ZFHX3: variants seen among roughly 807,000 people sequenced by gnomAD.
ZFHX3 encodes zinc finger homeobox protein 3.
ZFHX3 carries 42 observed loss-of-function variants against 279.1 expected under a neutral mutation model. The observed-to-expected ratio is 0.15, with a 90% CI of 0.12 to 0.19. The LOEUF (loss-of-function observed/expected upper bound fraction) is 0.19. Among genes scored for constraint, ZFHX3 ranks in the 10% least tolerant of loss-of-function variants. The pLI is 1.00. For synonymous variants in ZFHX3, 2,293 were observed against 1,957.8 expected, an observed-to-expected ratio of 1.17 and a Z score of -4.52; for missense variants, 4,981 against 4,754.0, an observed-to-expected ratio of 1.05 and a Z score of -1.40.
At chr16:73,699,225 A>G (rs1343659863) in intron 1 of ZFHX3, among the ~76,000 whole-genome samples, 5 of 152,338 alleles carry the variant, frequency 3.3e-5, no homozygotes, top group Admixed American at 1.3e-4. Flanking sequence ...CAATTATGCA[A>G]GATATCGAGA....
At chr16:73,318,061 T>G (rs1308032680) in intron 4 of ZFHX3, among the ~76,000 whole-genome samples, 1 of 152,200 alleles carries the variant, frequency 6.6e-6, no homozygotes, top group Non-Finnish European at 1.5e-5. Flanking sequence ...AAACCAGAAG[T>G]GCACATTAGT....
chr16:73,700,507 A>T (rs2053236711), intron 1 of ZFHX3, among the ~76,000 whole-genome samples: 1 of 152,240 alleles, frequency 6.6e-6, no homozygotes, highest in African/African-American at 2.4e-5. Context: ...TTTGTAGAAT[A>T]CATGTTATTT....
intron 8 of ZFHX3, among the ~76,000 whole-genome samples, chr16:73,090,133 C>T (rs1441226751): frequency 6.6e-6 from 1 of 152,244 alleles, no homozygotes; most frequent in African/African-American, 2.4e-5. Flanking sequence ...GTGGCTCACA[C>T]CTGTAATCCC....
intron 1 of ZFHX3, among the ~76,000 whole-genome samples, chr16:73,713,895 G>A (rs904361287): frequency 6.6e-6 from 1 of 152,118 alleles, no homozygotes; most frequent in African/African-American, 2.4e-5. Context: ...TTCCCAATCT[G>A]TCAATGCGAG....
intron 1 of ZFHX3, among the ~76,000 whole-genome samples, chr16:73,764,319 TG>T (rs1567402297): frequency 6.6e-6 from 1 of 152,124 alleles, no homozygotes; most frequent in Non-Finnish European, 1.5e-5. Flanking sequence ...ATTCAATCTC[TG>T]GCTCCCTATG....
intron 2 of ZFHX3, among the ~76,000 whole-genome samples, chr16:73,473,420 T>C (rs1254417476): frequency 6.6e-6 from 1 of 150,740 alleles, no homozygotes; most frequent in Non-Finnish European, 1.5e-5. Flanking sequence ...ATCATTCCAT[T>C]TGAATGGGAG....
intron 1 of ZFHX3, among the ~76,000 whole-genome samples, chr16:73,882,211 C>A (rs1973619): frequency 0.11 from 17,444 of 152,070 alleles, 1,331 homozygotes; most frequent in Middle Eastern, 0.22. Flanking sequence ...ACCCACCTCA[C>A]GTTTTAAGGC....
In ZFHX3 at chr16:72,974,988, C is replaced by T. The variant is rs192973229; in HGVS notation, c.-49-14794G>A. Among the ~76,000 whole-genome samples, 470 of 152,274 alleles carry T rather than the reference C, an allele frequency of 3.1e-3. 3 individuals are homozygous for T. The highest frequency in any genetic ancestry group is 0.011 in the African/African-American group (446 of 41,554). On this transcript the variant is annotated intron_variant, in intron 1 of 9. Coordinates refer to ENST00000268489, the MANE Select transcript of ZFHX3 (RefSeq NM_006885.4). ...ATGAGTAGTCCTCAAATCCTAGAGGCCCAGAGAGTTGCTCCTATCTCGATT... is the reference window on the plus strand; with the variant it reads ...ATGAGTAGTCCTCAAATCCTAGAGGTCCAGAGAGTTGCTCCTATCTCGATT...
In ZFHX3 at chr16:72,957,746, G is replaced by A; in HGVS notation, c.2400C>T (p.Thr800=). 1 of 1,614,192 alleles carries A rather than the reference G, an allele frequency of 6.2e-7. No individual in the cohort carries two copies. Among genetic ancestry groups the A allele is most frequent in the Non-Finnish European group, 8.5e-7 (1 of 1,180,040 alleles). ...CGAPSPTKPK[T]KPTWRCEVCD... is the part of the protein sequence containing the mutation. ...ACACCTCGCACCGCCAGGTGGGTTT[G>A]GTTTTTGGTTTGGTCGGCGAGGGGG... Residue 800 remains threonine, a synonymous_variant, in exon 2 of 10, where the codon ACC becomes ACT. Transcript: ENST00000268489.
intron 3 of ZFHX3, among the ~76,000 whole-genome samples, chr16:73,385,137 G>T (rs1325567874): frequency 6.6e-6 from 1 of 152,130 alleles, no homozygotes. Context: ...GAAGAAACTT[G>T]GTGACTTTGT....
At chr16:73,374,123 C>T (rs371245436) in intron 3 of ZFHX3, among the ~76,000 whole-genome samples, 1 of 152,018 alleles carries the variant, frequency 6.6e-6, no homozygotes. Flanking sequence ...GCAGTTAGCG[C>T]AGAAAATGAG....
chr16:73,573,643 G>T (rs937974952), intron 2 of ZFHX3, among the ~76,000 whole-genome samples: 1 of 152,142 alleles, frequency 6.6e-6, no homozygotes, highest in Non-Finnish European at 1.5e-5. Flanking sequence ...TTATGATGAT[G>T]ATTTAATTTA....
At chr16:73,791,631 G>A (rs1253231185) in intron 1 of ZFHX3, among the ~76,000 whole-genome samples, 1 of 151,434 alleles carries the variant, frequency 6.6e-6, no homozygotes, top group Non-Finnish European at 1.5e-5. Flanking sequence ...CACCATGTTG[G>A]CCAGGATGGT....
At position 73,278,582 on chromosome 16, in the gene ZFHX3, G is replaced by A. The variant is rs1447773217; in HGVS notation, c.-1193-21446C>T. On this transcript the variant is annotated intron_variant, in intron 4 of 17. Transcript: ENST00000641206. ...CTGTGTAAGGGGACCTGAGCGAGTA[G>A]GAGGTGCTGGCTGGGGTGGCCAGCT... is the stretch of plus-strand genomic sequence containing the variant. Among the ~76,000 whole-genome samples, 3 of 152,242 alleles carry A rather than the reference G, an allele frequency of 2.0e-5. No individual in the cohort carries two copies. In the East Asian group the frequency reaches 5.8e-4, roughly 29 times the overall value.
At chr16:72,930,356 C>T (rs1047249772) in intron 3 of ZFHX3, among the ~76,000 whole-genome samples, 1 of 151,920 alleles carries the variant, frequency 6.6e-6, no homozygotes, top group Non-Finnish European at 1.5e-5. Context: ...TCTTCTGCAC[C>T]TAAAAATCTT....
At chr16:73,727,497 G>A (rs59659735) in intron 1 of ZFHX3, among the ~76,000 whole-genome samples, 2,813 of 152,262 alleles carry the variant, frequency 0.018, 78 homozygotes, top group African/African-American at 0.062. Flanking sequence ...AAGAGATGGA[G>A]TTACCCAGAG....
At chr16:73,097,294 C>A (rs1460489420) in intron 7 of ZFHX3, among the ~76,000 whole-genome samples, 1 of 147,128 alleles carries the variant, frequency 6.8e-6, no homozygotes, top group Admixed American at 6.8e-5. Flanking sequence ...TCTTGAACTC[C>A]TGTTCTCAAG....
intron 3 of ZFHX3, among the ~76,000 whole-genome samples, chr16:73,449,089 T>C (rs1171482041): frequency 3.3e-5 from 5 of 152,174 alleles, no homozygotes; most frequent in Non-Finnish European, 5.9e-5. Flanking sequence ...TGAGTCCATG[T>C]ATTAATCAAA....
In ZFHX3 at chr16:73,075,638, C is replaced by CT. The variant is rs1237376208; in HGVS notation, c.-532-16627dup. On this transcript the variant is annotated intron_variant, in intron 8 of 17. Transcript: ENST00000641206. ...AAGAGCTACCTAGAAGAATCAAAGA[C>CT]TTTTTTTTTTTTTGAGATGGAGTCT... 2.0e-3 allele frequency among the ~76,000 whole-genome samples: 291 copies of CT among 144,294 alleles called. 2 individuals carry two copies. The highest frequency in any genetic ancestry group is 4.2e-3 in the African/African-American group (165 of 39,662). The allele number at this position is 144,294 out of a possible 152,430, so 94.7% of individuals were successfully genotyped here. A position where few individuals can be genotyped will look rare whatever the true frequency, so the allele number is the denominator to read the frequency against.
Sources: gnomAD v4.1 joint callset for allele counts (sites outside exome capture counted in the v4.1 genomes callset) on GRCh38, gnomAD v4.1.1 for gene constraint, MANE v1.5 for transcripts, NCBI Gene and HGNC (gene_info 2026-07-23, HGNC 2026-07-21) for gene names.